The following H2BN1 variants were observed in gnomAD, a reference collection of about 807,000 sequenced individuals.
The protein encoded by H2BN1 is H2B.N variant histone 1.
At chr17:32,896,969 T>C in the H2BN1 span, among the ~76,000 whole-genome samples, 5 of 152,174 alleles carry the variant, frequency 3.3e-5, no homozygotes, top group Non-Finnish European at 7.3e-5. Context: ...CCCTGGACAT[T>C]CTCCTCTAAT....
the H2BN1 span, among the ~76,000 whole-genome samples, chr17:32,904,144 C>T: frequency 6.6e-6 from 1 of 152,190 alleles, no homozygotes; most frequent in African/African-American, 2.4e-5. Context: ...CCCAGACACT[C>T]CCACAAGGCC....
At chr17:32,895,532 G>GGGAAGAAGAGGAGGTGGA in the H2BN1 span, among the ~76,000 whole-genome samples, 2 of 152,134 alleles carry the variant, frequency 1.3e-5, no homozygotes, top group East Asian at 3.9e-4. Flanking sequence ...CTCAGCCACT[G>GGGAAGAAGAGGAGGTGGA]GGAAGAAGAG....
the H2BN1 span, among the ~76,000 whole-genome samples, chr17:32,896,616 A>T: frequency 6.6e-6 from 1 of 152,136 alleles, no homozygotes; most frequent in Admixed American, 6.6e-5. Flanking sequence ...AAAGGGGAAA[A>T]TGAGATTAAG....
At chr17:32,904,905 T>C in the H2BN1 span, among the ~76,000 whole-genome samples, 1 of 152,180 alleles carries the variant, frequency 6.6e-6, no homozygotes, top group South Asian at 2.1e-4. Flanking sequence ...TCAAGTCATG[T>C]AAAGCTGGTC....
At chr17:32,899,868 A>ACT in the H2BN1 span, among the ~76,000 whole-genome samples, 2,848 of 152,326 alleles carry the variant, frequency 0.019, 82 homozygotes, top group African/African-American at 0.062. Context: ...CTATTAGGTC[A>ACT]CTATTTATAA....
the H2BN1 span, among the ~76,000 whole-genome samples, chr17:32,900,575 A>G: frequency 0.15 from 22,584 of 152,060 alleles, 2,112 homozygotes; most frequent in Middle Eastern, 0.3. Context: ...AACAGTATGA[A>G]GGCAACTACA....
At chr17:32,903,959 T>G in the H2BN1 span, among the ~76,000 whole-genome samples, 5 of 152,386 alleles carry the variant, frequency 3.3e-5, no homozygotes, top group Non-Finnish European at 5.9e-5. Flanking sequence ...ACCACTAAGT[T>G]GTTTCACCCT....
the H2BN1 span, among the ~76,000 whole-genome samples, chr17:32,901,044 C>T: frequency 6.6e-6 from 1 of 151,910 alleles, no homozygotes; most frequent in Non-Finnish European, 1.5e-5. Context: ...CCTGTCTCTA[C>T]TAAAAATACA....
the H2BN1 span, among the ~76,000 whole-genome samples, chr17:32,900,269 G>A: frequency 6.6e-6 from 1 of 152,142 alleles, no homozygotes; most frequent in Non-Finnish European, 1.5e-5. Flanking sequence ...CTTGTTTCCT[G>A]TATAATTTGT....
the H2BN1 span, among the ~76,000 whole-genome samples, chr17:32,900,171 A>T: frequency 6.6e-6 from 1 of 152,254 alleles, no homozygotes; most frequent in Non-Finnish European, 1.5e-5. Flanking sequence ...TCAGAATTAT[A>T]GGAATTTCCC....
chr17:32,904,799 C>A, the H2BN1 span, among the ~76,000 whole-genome samples: 1 of 150,994 alleles, frequency 6.6e-6, no homozygotes, highest in African/African-American at 2.4e-5. Flanking sequence ...ACACAGAAAC[C>A]AAATGCATTT....
At chr17:32,905,287 T>C in the H2BN1 span, among the ~76,000 whole-genome samples, 2 of 152,194 alleles carry the variant, frequency 1.3e-5, no homozygotes, top group East Asian at 3.8e-4. Flanking sequence ...TAAACTTTAG[T>C]TCTTGACTAA....
the H2BN1 span, among the ~76,000 whole-genome samples, chr17:32,901,932 C>T: frequency 2.0e-5 from 3 of 151,968 alleles, no homozygotes; most frequent in Admixed American, 6.6e-5. Flanking sequence ...ACAACTTGAT[C>T]ATATAAAACT....
chr17:32,898,759 AC>A, the H2BN1 span, among the ~76,000 whole-genome samples: 1 of 152,220 alleles, frequency 6.6e-6, no homozygotes, highest in African/African-American at 2.4e-5. Flanking sequence ...AGGGAGAAAA[AC>A]AAAAACAAAA....
chr17:32,905,246 A>G, the H2BN1 span, among the ~76,000 whole-genome samples: 2 of 152,198 alleles, frequency 1.3e-5, no homozygotes, highest in Admixed American at 6.5e-5. Context: ...CAAACAAACA[A>G]AACAAAAGAG....
the H2BN1 span, among the ~76,000 whole-genome samples, chr17:32,895,492 C>G: frequency 1.3e-5 from 2 of 152,228 alleles, no homozygotes; most frequent in Admixed American, 1.3e-4. Flanking sequence ...AGCTTTATTT[C>G]CCAGTCAAAA....
At chr17:32,896,559 C>T in the H2BN1 span, among the ~76,000 whole-genome samples, 1 of 152,144 alleles carries the variant, frequency 6.6e-6, no homozygotes, top group Admixed American at 6.5e-5. Context: ...CCACAGCTCC[C>T]ATATTCCGGT....
At chr17:32,895,622 CTT>C in the H2BN1 span, among the ~76,000 whole-genome samples, 1 of 152,172 alleles carries the variant, frequency 6.6e-6, no homozygotes, top group African/African-American at 2.4e-5. Context: ...TTGGTGCACT[CTT>C]TGTAGAAGCT....
the H2BN1 span, among the ~76,000 whole-genome samples, chr17:32,901,659 A>G: frequency 2.0e-5 from 3 of 152,216 alleles, no homozygotes; most frequent in South Asian, 4.1e-4. Flanking sequence ...AAGTACTTGT[A>G]TTTAAAAGTA....
Sources: allele counts gnomAD v4.1 joint callset (sites outside exome capture counted in the v4.1 genomes callset), GRCh38; gene constraint gnomAD v4.1.1; transcripts MANE v1.5; gene names NCBI Gene and HGNC (gene_info 2026-07-23, HGNC 2026-07-21).